PPP1R37: variants seen among roughly 807,000 people sequenced by gnomAD.
The protein encoded by PPP1R37 is leucine rich repeat containing 68.
In PPP1R37, 21 loss-of-function variants were observed where a neutral mutation model predicts 61.0. The observed-to-expected ratio is 0.34, with a 90% CI of 0.24 to 0.50. The LOEUF (loss-of-function observed/expected upper bound fraction) is 0.50. PPP1R37 is among the 20% of genes least tolerant of loss of function. The pLI, the probability that PPP1R37 is intolerant of heterozygous loss-of-function variation, is 0.98. For synonymous variants in PPP1R37, 443 were observed against 433.5 expected (o/e 1.02, Z -0.27); for missense variants, 910 against 952.7 (o/e 0.96, Z 0.59).
chr19:45,098,897 C>T (rs970855452), intron 1 of PPP1R37, among the ~76,000 whole-genome samples: 1 of 152,114 alleles, frequency 6.6e-6, no homozygotes, highest in African/African-American at 2.4e-5. Flanking sequence ...GGCCCAGCTC[C>T]ACCTCCTGCT....
At chr19:45,104,780 C>G (rs1282075731) in intron 1 of PPP1R37, among the ~76,000 whole-genome samples, 1 of 152,164 alleles carries the variant, frequency 6.6e-6, no homozygotes, top group Non-Finnish European at 1.5e-5. Flanking sequence ...ACCGAGATCA[C>G]CTTGCCATGC....
At chr19:45,129,831 T>TA (rs754290405) in intron 1 of PPP1R37, among the ~76,000 whole-genome samples, 70 of 152,240 alleles carry the variant, frequency 4.6e-4, no homozygotes, top group Non-Finnish European at 3.1e-4. Flanking sequence ...CCATGGGCTT[T>TA]ACCCTTCCCT....
chr19:45,144,742 A>G (rs2122758996), intron 8 of PPP1R37, 112 bp from the exon 9 acceptor site: 1 of 942,606 alleles, frequency 1.1e-6, no homozygotes, highest in Non-Finnish European at 1.5e-6. Context: ...GGCGCGCGAA[A>G]GAAAAGGAGC....
At chr19:45,095,984 G>A (rs1417006660) in intron 1 of PPP1R37, among the ~76,000 whole-genome samples, 4 of 152,140 alleles carry the variant, frequency 2.6e-5, no homozygotes, top group African/African-American at 9.7e-5. Flanking sequence ...CCTCGGGCTG[G>A]TTACCTAACT....
chr19:45,146,244 A>G (rs1416689266), intron 11 of PPP1R37, 146 bp from the exon 12 acceptor site: 2 of 891,348 alleles, frequency 2.2e-6, no homozygotes, highest in African/African-American at 3.7e-5. Context: ...GTGGGGGGGC[A>G]TGTAAGGTGT....
chr19:45,132,868 C>G (rs939374782), intron 1 of PPP1R37, among the ~76,000 whole-genome samples: 1 of 152,024 alleles, frequency 6.6e-6, no homozygotes, highest in African/African-American at 2.4e-5. Context: ...TACCCCTGGA[C>G]CAAGTGAGCA....
At chr19:45,103,590 T>C (rs142016236) in intron 1 of PPP1R37, among the ~76,000 whole-genome samples, 15 of 149,050 alleles carry the variant, frequency 1.0e-4, no homozygotes, top group African/African-American at 1.5e-4. Flanking sequence ...AGCAAAGCAC[T>C]GTCACAGCTG....
Position 45,093,353 on chromosome 19 carries a change from C to A in PPP1R37, c.28C>A (p.Pro10Thr). MEIAPQEAP[P>T]VPGADGDIEE... ...GGAGATCGCGCCGCAGGAGGCGCCG[C>A]CCGTGCCGGGCGCGGACGGCGACAT... The change falls in exon 1 of 13, where the codon CCC becomes ACC. Residue 10 changes from proline to threonine, a missense_variant. This residue lies in a region of PPP1R37 where 81 missense variants were observed against 65.4 expected (regional missense o/e 1.24). Coordinates refer to ENST00000221462, the MANE Select transcript of PPP1R37 (RefSeq NM_019121.2). 1 of 1,504,964 alleles carries A rather than the reference C, an allele frequency of 6.6e-7. No individual in the cohort carries two copies. Among genetic ancestry groups the A allele is most frequent in the Middle Eastern group, 1.8e-4 (1 of 5,468 alleles). 93.2% of individuals were successfully genotyped at this position (1,504,964 alleles called of 1,614,324 possible). A position where few individuals can be genotyped will look rare whatever the true frequency, so the allele number is the denominator to read the frequency against.
At chr19:45,129,792 A>G (rs2122740077) in intron 1 of PPP1R37, among the ~76,000 whole-genome samples, 2 of 152,272 alleles carry the variant, frequency 1.3e-5, no homozygotes, top group East Asian at 3.9e-4. Context: ...ATGGGGAGGG[A>G]AAAGGAGGAG....
intron 1 of PPP1R37, among the ~76,000 whole-genome samples, chr19:45,118,940 C>T (rs995923628): frequency 5.9e-5 from 9 of 151,908 alleles, no homozygotes; most frequent in Admixed American, 5.2e-4. Context: ...TGTGGGCCAC[C>T]GCCTCTGAGC....
intron 1 of PPP1R37, among the ~76,000 whole-genome samples, chr19:45,094,723 C>G (rs1019617492): frequency 6.7e-6 from 1 of 149,174 alleles, no homozygotes; most frequent in Non-Finnish European, 1.5e-5. Flanking sequence ...AGCAAAACTC[C>G]GGCTCAAAGA....
chr19:45,101,758 T>C (rs535380014), intron 1 of PPP1R37, among the ~76,000 whole-genome samples: 2 of 152,180 alleles, frequency 1.3e-5, no homozygotes, highest in African/African-American at 4.8e-5. Flanking sequence ...TTTAACAGAA[T>C]CCTGTGTGGA....
chr19:45,102,537 G>T (rs1444592440), intron 1 of PPP1R37, among the ~76,000 whole-genome samples: 1 of 152,206 alleles, frequency 6.6e-6, no homozygotes, highest in South Asian at 2.1e-4. Flanking sequence ...TGAGTGAGGT[G>T]GTCACTGCCT....
Position 45,141,303 on chromosome 19 carries a change from C to G in PPP1R37, c.448-19C>G, listed in dbSNP as rs1456844814. 1 of 1,530,924 alleles carries G rather than the reference C, an allele frequency of 6.5e-7. No homozygotes were observed. The highest frequency in any genetic ancestry group is 8.7e-7 in the Non-Finnish European group (1 of 1,144,184). 94.8% of individuals were successfully genotyped at this position (1,530,924 alleles called of 1,614,324 possible). A position where few individuals can be genotyped will look rare whatever the true frequency, so the allele number is the denominator to read the frequency against. ...GGCAGCCCAGAGCTGAGGCTGAGCC[C>G]CCGAATCTCTATGCGCAGGGTGCCT... On this transcript the variant is annotated intron_variant, in intron 4 of 12. Transcript: ENST00000221462.
intron 1 of PPP1R37, among the ~76,000 whole-genome samples, chr19:45,122,321 A>T (rs1247396592): frequency 2.6e-5 from 4 of 152,200 alleles, no homozygotes; most frequent in Non-Finnish European, 5.9e-5. Flanking sequence ...GAGTTCACCC[A>T]GCTGGCCCTG....
At chr19:45,103,760 T>C (rs1002978307) in intron 1 of PPP1R37, among the ~76,000 whole-genome samples, 7 of 152,136 alleles carry the variant, frequency 4.6e-5, no homozygotes, top group East Asian at 1.9e-4. Flanking sequence ...TATGGAGCGC[T>C]TAACAGGGCT....
At chr19:45,104,313 A>T (rs1288059261) in intron 1 of PPP1R37, among the ~76,000 whole-genome samples, 3 of 152,056 alleles carry the variant, frequency 2.0e-5, no homozygotes, top group Non-Finnish European at 4.4e-5. Context: ...GGCTCCTGGG[A>T]GGGGTGGAAC....
At position 45,128,612 on chromosome 19, in the gene PPP1R37, G is replaced by A. The variant is rs377572509; in HGVS notation, c.203-9902G>A. ...TCGAGACAAGAGATGCAGGGGCCTC[G>A]GCCTCCTTCCCAATGCAGTGCTCAG... On this transcript the variant is annotated intron_variant, in intron 1 of 12. Transcript: ENST00000221462. 499 of 1,265,440 alleles carry A rather than the reference G, an allele frequency of 3.9e-4. 17 individuals are homozygous for A. The highest frequency in any genetic ancestry group is 2.5e-4 in the South Asian group (21 of 83,660). The allele number at this position is 1,265,440 out of a possible 1,614,324, so 78.4% of individuals were successfully genotyped here.
chr19:45,144,115 A>ATCATTGTC (rs1433803203), intron 8 of PPP1R37: 1 of 152,242 alleles, frequency 6.6e-6, no homozygotes, highest in Middle Eastern at 3.2e-3. Context: ...CTGGGTTCAC[A>ATCATTGTC]CCATTGTCCT....
Sources: gnomAD v4.1 joint callset for allele counts (sites outside exome capture counted in the v4.1 genomes callset) on GRCh38, gnomAD v4.1.1 for gene constraint, gnomAD v4.1.1 regional missense constraint, MANE v1.5 for transcripts, NCBI Gene and HGNC (gene_info 2026-07-23, HGNC 2026-07-21) for gene names.